ZNF697: variants seen among roughly 807,000 people sequenced by gnomAD.
The protein encoded by ZNF697 is zinc finger protein 697.
A neutral mutation model predicts 32.4 loss-of-function variants in ZNF697; 23 were observed. That is an observed-to-expected ratio of 0.71 (90% CI 0.51 to 1.01). ZNF697 has a LOEUF of 1.01. Ranked by LOEUF, ZNF697 falls within the 50% of genes least tolerant of loss-of-function variation. The pLI is 0.00. For synonymous variants in ZNF697, 418 were observed against 337.2 expected (o/e 1.24, Z -2.62); for missense variants, 930 against 794.0 (o/e 1.17, Z -2.06).
In ZNF697 at chr1:119,623,797, G is replaced by A; in HGVS notation, c.546C>T (p.Ala182=). Residue 182 remains alanine (A), a synonymous_variant, in exon 3 of 3, where the codon GCC becomes GCT. Transcript: ENST00000421812. ...AGATGGTGGGCGCGTCCATGATGCT[G>A]GCCACCAGGCTATCCAGCTCCCCGA... ...VDLGELDSLV[A]SIMDAPTICP... The A allele has an allele frequency of 6.5e-7, 1 of 1,547,366 alleles. No homozygotes were observed. Among genetic ancestry groups the A allele is most frequent in the African/African-American group, 1.4e-5 (1 of 73,134 alleles).
chr1:119,634,815 C>T (rs1227654803), intron 1 of ZNF697, among the ~76,000 whole-genome samples: 1 of 152,176 alleles, frequency 6.6e-6, no homozygotes, highest in African/African-American at 2.4e-5. Context: ...ATTACAGAAA[C>T]AAATTATAAG....
chr1:119,643,534 T>C (rs1041805604), intron 1 of ZNF697, among the ~76,000 whole-genome samples: 4 of 152,290 alleles, frequency 2.6e-5, no homozygotes, highest in Non-Finnish European at 5.9e-5. Flanking sequence ...CTTTTAACCA[T>C]CCCTTATCAA....
intron 1 of ZNF697, among the ~76,000 whole-genome samples, chr1:119,637,299 C>T (rs1648949994): frequency 6.6e-6 from 1 of 152,196 alleles, no homozygotes. Flanking sequence ...TCCAATGTGA[C>T]CCATTACTAC....
intron 1 of ZNF697, among the ~76,000 whole-genome samples, chr1:119,632,638 G>C (rs1026387881): frequency 6.6e-6 from 1 of 152,160 alleles, no homozygotes; most frequent in Non-Finnish European, 1.5e-5. Context: ...CCATCGGTTG[G>C]GCTAGGGCCC....
At chr1:119,632,740 G>A (rs1036293415) in intron 1 of ZNF697, among the ~76,000 whole-genome samples, 3 of 152,088 alleles carry the variant, frequency 2.0e-5, no homozygotes, top group Admixed American at 6.5e-5. Context: ...TTAGTGCAAC[G>A]CAGACACAGA....
chr1:119,626,108 G>A lies in ZNF697; in HGVS notation c.-8C>T. On this transcript the variant is annotated 5_prime_UTR_variant, in exon 2 of 3. Transcript: ENST00000421812. Reference sequence around the variant, plus strand: ...ATTATCTTCTTGTTTCATCCAGGAAGAAAAGAGCAAGGGAGGTGACCAGGA... The same window carrying A: ...ATTATCTTCTTGTTTCATCCAGGAAAAAAAGAGCAAGGGAGGTGACCAGGA... 6.2e-7 allele frequency: 1 copy of A among 1,613,836 alleles called. No homozygotes were observed. Among genetic ancestry groups the A allele is most frequent in the Non-Finnish European group, 8.5e-7 (1 of 1,179,806 alleles).
rs757707113 is a variant in ZNF697, at chr1:119,626,115, G to A, written c.-15C>T. 3 of 1,613,454 alleles carry A rather than the reference G, an allele frequency of 1.9e-6. No individual in the cohort carries two copies. Among genetic ancestry groups the A allele is most frequent in the Admixed American group, 3.3e-5 (2 of 59,980 alleles). On this transcript the variant is annotated 5_prime_UTR_variant, in exon 2 of 3. Coordinates refer to ENST00000421812, the MANE Select transcript of ZNF697 (RefSeq NM_001080470.2). ...TCTTGTTTCATCCAGGAAGAAAAGAGCAAGGGAGGTGACCAGGAATCCCTG... is the reference window on the plus strand; with the variant it reads ...TCTTGTTTCATCCAGGAAGAAAAGAACAAGGGAGGTGACCAGGAATCCCTG...
Position 119,623,615 on chromosome 1 carries a change from G to T in ZNF697, c.728C>A (p.Ala243Glu). The change falls in exon 3 of 3, where the codon GCG (alanine) becomes GAG (glutamate). Residue 243 changes from alanine to glutamate, a missense_variant. Transcript: ENST00000421812. ...AMVGMMGVGVAGGFGAGPPLA... is the reference protein window; with the variant it reads ...AMVGMMGVGVEGGFGAGPPLA... Reference sequence around the variant, plus strand: ...CGGGGGCCCGGCCCCGAAGCCCCCCGCCACACCCACCCCCATCATGCCCAC... The same window carrying T: ...CGGGGGCCCGGCCCCGAAGCCCCCCTCCACACCCACCCCCATCATGCCCAC... 1 of 476,750 alleles carries T rather than the reference G, an allele frequency of 2.1e-6. No homozygotes were observed. The highest frequency in any genetic ancestry group is 3.2e-6 in the Non-Finnish European group (1 of 314,420). 29.5% of individuals were successfully genotyped at this position (476,750 alleles called of 1,614,324 possible).
chr1:119,630,679 G>C (rs1314799603), intron 1 of ZNF697, among the ~76,000 whole-genome samples: 1 of 152,196 alleles, frequency 6.6e-6, no homozygotes. Context: ...GGGCAACAGA[G>C]CAAGATCCCT....
intron 1 of ZNF697, among the ~76,000 whole-genome samples, chr1:119,642,977 T>C (rs1649118028): frequency 6.6e-6 from 1 of 152,260 alleles, no homozygotes; most frequent in African/African-American, 2.4e-5. Flanking sequence ...AGTCTTCCTA[T>C]AGTGCCCTGC....
chr1:119,646,545 A>G (rs1649210497), intron 1 of ZNF697, among the ~76,000 whole-genome samples: 1 of 152,114 alleles, frequency 6.6e-6, no homozygotes, highest in Admixed American at 6.5e-5. Context: ...TTCACCTCGA[A>G]AGCCATTTAT....
intron 1 of ZNF697, among the ~76,000 whole-genome samples, chr1:119,646,027 AG>A (rs917450298): frequency 1.3e-5 from 2 of 152,014 alleles, no homozygotes; most frequent in Non-Finnish European, 1.5e-5. Flanking sequence ...TTGGTGGGGG[AG>A]GGAGAGGAAA....
At chr1:119,646,298 C>T (rs1467237799) in intron 1 of ZNF697, among the ~76,000 whole-genome samples, 1 of 149,048 alleles carries the variant, frequency 6.7e-6, no homozygotes, top group East Asian at 2.0e-4. Flanking sequence ...CATCAACTTT[C>T]CCTTAACAAC....
At chr1:119,645,997 C>A (rs1381297777) in intron 1 of ZNF697, among the ~76,000 whole-genome samples, 1 of 152,020 alleles carries the variant, frequency 6.6e-6, no homozygotes, top group Admixed American at 6.6e-5. Context: ...AATGTAGATT[C>A]TGAGGAAATT....
In ZNF697 at chr1:119,622,908, T is replaced by C; in HGVS notation, c.1435A>G (p.Thr479Ala). Residue 479 changes from threonine (T) to alanine (A), a missense_variant, in exon 3 of 3, where the codon ACG (threonine) becomes GCG (alanine). By Grantham distance (58) the Thr-to-Ala change is moderately conservative (BLOSUM62 0). Transcript: ENST00000421812. ...QCEKRFSDFS[T>A]LTQHQRTHTG... Reference sequence around the variant, plus strand: ...TGCGTGCGCTGGTGCTGCGTGAGCGTGGAGAAGTCGCTGAAGCGCTTCTCG... The same window carrying C: ...TGCGTGCGCTGGTGCTGCGTGAGCGCGGAGAAGTCGCTGAAGCGCTTCTCG... The C allele has an allele frequency of 6.3e-7, 1 of 1,599,686 alleles. No homozygotes were observed. Among genetic ancestry groups the C allele is most frequent in the Non-Finnish European group, 8.5e-7 (1 of 1,174,550 alleles).
chr1:119,636,495 G>A (rs971161252), intron 1 of ZNF697, among the ~76,000 whole-genome samples: 3 of 152,190 alleles, frequency 2.0e-5, no homozygotes, highest in African/African-American at 4.8e-5. Context: ...ATCTTTTGGC[G>A]TGCTGGTGGA....
intron 1 of ZNF697, among the ~76,000 whole-genome samples, chr1:119,646,716 A>G (rs1279536833): frequency 6.6e-6 from 1 of 152,204 alleles, no homozygotes; most frequent in African/African-American, 2.4e-5. Context: ...TGTTGAGAGA[A>G]GAAGGTAAAC....
intron 1 of ZNF697, among the ~76,000 whole-genome samples, chr1:119,641,255 T>TA (rs1376940617): frequency 1.3e-5 from 2 of 152,164 alleles, no homozygotes; most frequent in African/African-American, 4.8e-5. Flanking sequence ...AGGGGGGTGG[T>TA]AAAAGGGGAG....
chr1:119,639,930 A>C (rs1649022825), intron 1 of ZNF697, among the ~76,000 whole-genome samples: 1 of 152,168 alleles, frequency 6.6e-6, no homozygotes, highest in Non-Finnish European at 1.5e-5. Context: ...TGTTAGCCTT[A>C]AGCAAATTGT....
Sources: allele counts gnomAD v4.1 joint callset (sites outside exome capture counted in the v4.1 genomes callset), GRCh38; gene constraint gnomAD v4.1.1; transcripts MANE v1.5; gene names NCBI Gene and HGNC (gene_info 2026-07-23, HGNC 2026-07-21).